Variants in FHL2 observed in about 807,000 individuals in gnomAD.
FHL2 encodes the protein four and a half LIM domains protein 2.
In FHL2, 20 loss-of-function variants were observed where a neutral mutation model predicts 32.7. The observed-to-expected ratio is 0.61, with a 90% CI of 0.43 to 0.89. FHL2 has a LOEUF of 0.89. Ranked by LOEUF, FHL2 falls within the 40% of genes least tolerant of loss-of-function variation. The pLI is 0.00. For synonymous variants in FHL2, 123 were observed against 128.1 expected (o/e 0.96, Z 0.27); for missense variants, 311 against 358.6 (o/e 0.87, Z 1.07).
chr2:105,382,333 C>A (rs1243741228), intron 3 of FHL2, among the ~76,000 whole-genome samples: 1 of 152,232 alleles, frequency 6.6e-6, no homozygotes, highest in Non-Finnish European at 1.5e-5. Flanking sequence ...GGACTGACCA[C>A]ATCTGGCCCG....
intron 2 of FHL2, among the ~76,000 whole-genome samples, chr2:105,393,663 G>T (rs929730319): frequency 2.0e-5 from 3 of 152,156 alleles, no homozygotes; most frequent in East Asian, 1.9e-4. Flanking sequence ...TTGACGGGTG[G>T]ATGAATACAA....
upstream of FHL2, among the ~76,000 whole-genome samples, chr2:105,402,207 A>G (rs1367036525): frequency 1.3e-5 from 2 of 149,056 alleles, no homozygotes; most frequent in East Asian, 1.9e-4. Flanking sequence ...ATATGTGTAT[A>G]TATGTATATA....
In FHL2 at chr2:105,423,487, C is replaced by A. The variant is rs76550141; in HGVS notation, c.-25+14912G>T. 8.5e-3 allele frequency among the ~76,000 whole-genome samples: 1,298 copies of A among 152,266 alleles called. 25 individuals are homozygous for A. The highest frequency in any genetic ancestry group is 0.03 in the African/African-American group (1,247 of 41,558). ...ACAGTATTTTTAGCTATTTGATAGA[C>A]AACAGTTGCTTCTCTTTTCAAAGAT... is the stretch of plus-strand genomic sequence containing the variant. On this transcript the variant is annotated intron_variant, in intron 1 of 5. Transcript: ENST00000393352.
chr2:105,397,881 GT>G (rs749684273), intron 1 of FHL2, among the ~76,000 whole-genome samples: 1 of 116,302 alleles, frequency 8.6e-6, no homozygotes, highest in Non-Finnish European at 1.9e-5. Flanking sequence ...TTGTTTTTTT[GT>G]TTTTTGTTTT....
chr2:105,377,922 G>T (rs1437688643), intron 3 of FHL2: 1 of 400,892 alleles, frequency 2.5e-6, no homozygotes, highest in African/African-American at 2.1e-5. Flanking sequence ...TACGCCCAGA[G>T]GGGTGGCAAG....
intron 4 of FHL2, among the ~76,000 whole-genome samples, chr2:105,370,146 G>A (rs1295125493): frequency 6.6e-6 from 1 of 152,164 alleles, no homozygotes; most frequent in Non-Finnish European, 1.5e-5. Context: ...GGCTAAGGCG[G>A]GAGATCTCTT....
intron 5 of FHL2, among the ~76,000 whole-genome samples, chr2:105,363,842 A>G (rs1231346145): frequency 6.6e-6 from 1 of 152,158 alleles, no homozygotes. Context: ...TTGAATCCTA[A>G]CCCTACTCCT....
intron 1 of FHL2, chr2:105,396,943 AG>A (rs1349727282): frequency 1.4e-5 from 6 of 431,074 alleles, no homozygotes; most frequent in African/African-American, 4.1e-5. Context: ...AGGCTGCCTG[AG>A]TCACTGAGGC....
At chr2:105,359,344 A>G (rs1448307982), downstream of FHL2, 2 of 152,216 alleles carry the variant, frequency 1.3e-5, no homozygotes, top group Non-Finnish European at 2.9e-5. Context: ...CTAACAAAGG[A>G]TGAAATTATT....
chr2:105,380,758 C>T (rs1453592984), intron 3 of FHL2, among the ~76,000 whole-genome samples: 1 of 151,872 alleles, frequency 6.6e-6, no homozygotes, highest in Admixed American at 6.6e-5. Context: ...TTAAATTCCT[C>T]TAGAGAGAAA....
chr2:105,370,006 A>G (rs1007578609), intron 4 of FHL2, among the ~76,000 whole-genome samples: 1 of 152,202 alleles, frequency 6.6e-6, no homozygotes, highest in African/African-American at 2.4e-5. Flanking sequence ...TCCTAACTGA[A>G]TCGCACACTC....
chr2:105,364,132 TG>T (rs372845491), intron 5 of FHL2, among the ~76,000 whole-genome samples: 32 of 152,276 alleles, frequency 2.1e-4, no homozygotes, highest in Admixed American at 6.5e-4. Flanking sequence ...GTGGTGCACC[TG>T]TATTCCCAGC....
intron 1 of FHL2, among the ~76,000 whole-genome samples, chr2:105,407,998 A>T (rs1683688518): frequency 6.6e-6 from 1 of 152,218 alleles, no homozygotes; most frequent in Admixed American, 6.5e-5. Context: ...GTCTGCATAA[A>T]TGGTAACATA....
At chr2:105,391,047 G>T (rs189445059) in intron 2 of FHL2, among the ~76,000 whole-genome samples, 2 of 151,788 alleles carry the variant, frequency 1.3e-5, no homozygotes, top group Admixed American at 1.3e-4. Flanking sequence ...TGGCCAGACT[G>T]GTCTCAAACT....
chr2:105,423,086 C>G (rs1320171312), intron 1 of FHL2, among the ~76,000 whole-genome samples: 2 of 152,118 alleles, frequency 1.3e-5, no homozygotes, highest in Non-Finnish European at 2.9e-5. Context: ...AGCGTCAGGT[C>G]CCTGGGGCAG....
chr2:105,402,643 G>T (rs1386787891), upstream of FHL2, among the ~76,000 whole-genome samples: 2 of 152,184 alleles, frequency 1.3e-5, no homozygotes, highest in Non-Finnish European at 2.9e-5. Flanking sequence ...GTCAAAGGAG[G>T]ATGGCAAGAA....
upstream of FHL2, among the ~76,000 whole-genome samples, chr2:105,402,080 T>G (rs1390374555): frequency 4.7e-5 from 7 of 149,284 alleles, no homozygotes; most frequent in South Asian, 1.5e-3. Flanking sequence ...TACATGTATA[T>G]ATGTGTATAT....
chr2:105,366,623 G>A (rs558864998), intron 5 of FHL2, among the ~76,000 whole-genome samples: 1 of 152,360 alleles, frequency 6.6e-6, no homozygotes, highest in South Asian at 2.1e-4. Flanking sequence ...CCTGAAGGGT[G>A]CAGGTCGGGG....
rs780774664 is a variant in FHL2 at position 105,367,665 on chromosome 2, T to A, written c.406A>T (p.Ile136Phe). 1 of 1,614,228 alleles carries A rather than the reference T, an allele frequency of 6.2e-7. No homozygotes were observed. Among genetic ancestry groups the A allele is most frequent in the Non-Finnish European group, 8.5e-7 (1 of 1,180,036 alleles). ...TTGGGGATGAAACTCTTGGTTCCAA[T>A]TGGCTGCTGGCAGCGGTGGCAGATG... ...CFICHRCQQP[I>F]GTKSFIPKDN... The change falls in exon 5 of 7, where the codon ATT becomes TTT. Residue 136 changes from isoleucine to phenylalanine, a missense_variant. Coordinates refer to ENST00000530340, the MANE Select transcript of FHL2 (RefSeq NM_001318895.3).
Sources: allele counts gnomAD v4.1 joint callset (sites outside exome capture counted in the v4.1 genomes callset), GRCh38; gene constraint gnomAD v4.1.1; transcripts MANE v1.5; gene names NCBI Gene and HGNC (gene_info 2026-07-23, HGNC 2026-07-21).